Variants in NBPF14 observed in about 807,000 individuals in gnomAD.
NBPF14 encodes NBPF member 14.
Under a neutral mutation model 91.2 loss-of-function variants are expected in NBPF14, and 104 were observed. The observed-to-expected ratio is 1.14, with a 90% CI of 0.97 to 1.34. NBPF14 has a LOEUF of 1.34. NBPF14 is among the 40% of genes most tolerant of loss of function. The pLI is 0.00. For synonymous variants in NBPF14, 294 were observed against 303.8 expected, an observed-to-expected ratio of 0.97 and a Z score of 0.34; for missense variants, 908 against 783.0, an observed-to-expected ratio of 1.16 and a Z score of -1.91.
intron 37 of NBPF14, among the ~76,000 whole-genome samples, 177 bp downstream of exon 37, chr1:148,559,616 C>T (rs1435925566): frequency 8.0e-6 from 1 of 124,840 alleles, no homozygotes; most frequent in Non-Finnish European, 1.5e-5. Flanking sequence ...TGCTCACTGA[C>T]CCATCCCTTG....
chr1:148,557,651 C>G (rs1443719487), intron 39 of NBPF14, 109 bp from the exon 40 acceptor site: 1 of 607,878 alleles, frequency 1.6e-6, no homozygotes. Flanking sequence ...AGCATGAGAA[C>G]AGGACCATGT....
chr1:148,535,236 CT>C (rs1308019798), intron 68 of NBPF14, among the ~76,000 whole-genome samples: 1 of 150,456 alleles, frequency 6.6e-6, no homozygotes, highest in Non-Finnish European at 1.5e-5. Context: ...GCCATACAGC[CT>C]TTGAGGTATG....
exon 70 of NBPF14, chr1:148,533,935 C>T (rs1392064175): frequency 2.6e-5 from 19 of 740,956 alleles, no homozygotes; most frequent in Non-Finnish European, 4.7e-5. Context: ...ATCTTCTTCC[C>T]CTTCTTTTTT....
intron 3 of NBPF14, among the ~76,000 whole-genome samples, 181 bp downstream of exon 3, chr1:148,593,417 C>G (rs1157500488): frequency 1.3e-5 from 2 of 148,368 alleles, no homozygotes; most frequent in Non-Finnish European, 3.0e-5. Flanking sequence ...TAAGAAACAA[C>G]TGCAACAGAG....
chr1:148,590,051 T>TA (rs1426781124), intron 6 of NBPF14, among the ~76,000 whole-genome samples: 1 of 115,030 alleles, frequency 8.7e-6, no homozygotes, highest in African/African-American at 3.2e-5. Flanking sequence ...TTTTTTTTTT[T>TA]TTTTTTTTTT....
intron 70 of NBPF14, among the ~76,000 whole-genome samples, chr1:148,533,659 C>G (rs1459382602): frequency 2.7e-5 from 4 of 148,618 alleles, no homozygotes; most frequent in Non-Finnish European, 6.0e-5. Flanking sequence ...GAAGTATGGT[C>G]AACCTATGGT....
At chr1:148,585,748 A>G (rs2149562488) in intron 9 of NBPF14, among the ~76,000 whole-genome samples, 1 of 148,400 alleles carries the variant, frequency 6.7e-6, no homozygotes, top group African/African-American at 2.5e-5. Context: ...CTTCTCCAAC[A>G]TCACACGGCA....
intron 8 of NBPF14, among the ~76,000 whole-genome samples, chr1:148,586,970 TA>T (rs1321612325): frequency 6.9e-6 from 1 of 145,948 alleles, no homozygotes; most frequent in African/African-American, 2.5e-5. Context: ...TGATTCTCAC[TA>T]AGGGTAAGTG....
chr1:148,559,905 T>G, exon 37 of NBPF14: 1 of 1,276,952 alleles, frequency 7.8e-7, no homozygotes, highest in Non-Finnish European at 1.1e-6. Context: ...TTGAATAACA[T>G]CTATCCAGTG....
intron 13 of NBPF14, among the ~76,000 whole-genome samples, chr1:148,578,847 G>A (rs1187362591): frequency 6.7e-6 from 1 of 149,580 alleles, no homozygotes; most frequent in African/African-American, 2.4e-5. Flanking sequence ...GTCAGTCCAG[G>A]TTGGCATGGG....
Position 148,575,862 on chromosome 1 carries a change from C to T in NBPF14, c.2079-51G>A, listed in dbSNP as rs1316913922. 1.4e-3 allele frequency: 409 copies of T among 294,156 alleles called. 3 individuals are homozygous for T. The African/African-American group carries it at 0.024, about 17-fold the overall frequency. 18.2% of individuals were successfully genotyped at this position (294,156 alleles called of 1,614,324 possible). A position where few individuals can be genotyped will look rare whatever the true frequency, so the allele number is the denominator to read the frequency against. On this transcript the variant is annotated intron_variant, in intron 16 of 70. Coordinates refer to ENST00000619423, the Ensembl canonical transcript of NBPF14. ...ATAAGCCAGGGGGAATCAGAAACCA[C>T]ACAGCCCCAGCTAGATTTCATGGCT...
intron 69 of NBPF14, among the ~76,000 whole-genome samples, chr1:148,534,215 T>G (rs1391665014): frequency 6.6e-6 from 1 of 150,924 alleles, no homozygotes; most frequent in Non-Finnish European, 1.5e-5. Flanking sequence ...TGTCCCAAGT[T>G]TCTGCAAACA....
In NBPF14 at chr1:148,556,832, C is replaced by CCCCT; in HGVS notation, c.5036_5037insAGGG (p.Pro1680GlyfsTer3). 1 of 216,044 alleles carries CCCCT rather than the reference C, an allele frequency of 4.6e-6. No homozygotes were observed. The highest frequency in any genetic ancestry group is 7.4e-6 in the Non-Finnish European group (1 of 135,172). The allele number at this position is 216,044 out of a possible 1,614,324, so 13.4% of individuals were successfully genotyped here. On this transcript the variant is annotated frameshift_variant, in exon 41 of 71. Transcript: ENST00000619423. LOFTEE classifies it high-confidence loss of function. ...CCAGTGAGTCCTGCAAGACTTCAGG[C>CCCCT]TCTACTACCTCCAGCAGCTCCCTGC...
intron 16 of NBPF14, among the ~76,000 whole-genome samples, chr1:148,576,154 C>T (rs1353374015): frequency 7.3e-5 from 7 of 95,530 alleles, no homozygotes; most frequent in African/African-American, 2.4e-4. Flanking sequence ...AATAATTTTC[C>T]GTAAACTTGC....
At chr1:148,559,304 T>C (rs1254367374) in intron 37 of NBPF14, among the ~76,000 whole-genome samples, 1,644 of 121,050 alleles carry the variant, frequency 0.014, 57 homozygotes, top group Middle Eastern at 0.034. Flanking sequence ...TATCCCAATA[T>C]CATTTGTCCC....
At chr1:148,542,194 A>G (rs1345000371) in intron 59 of NBPF14, among the ~76,000 whole-genome samples, 4 of 86,478 alleles carry the variant, frequency 4.6e-5, no homozygotes, top group Non-Finnish European at 7.7e-5. Context: ...AAATACGCAG[A>G]TTGTTCATGG....
chr1:148,559,339 T>C (rs1657180458), intron 37 of NBPF14, among the ~76,000 whole-genome samples: 2 of 127,982 alleles, frequency 1.6e-5, no homozygotes, highest in Admixed American at 7.6e-5. Flanking sequence ...GGTTATGCCA[T>C]ATTTTTCCAA....
At chr1:148,561,805 A>T (rs1196536318) in intron 34 of NBPF14, among the ~76,000 whole-genome samples, 1 of 135,844 alleles carries the variant, frequency 7.4e-6, no homozygotes, top group Non-Finnish European at 1.5e-5. Context: ...ACACACAAAC[A>T]CACACACACA....
chr1:148,577,514 T>G (rs878931706), intron 14 of NBPF14, among the ~76,000 whole-genome samples, 159 bp from the exon 15 acceptor site: 4,617 of 148,210 alleles, frequency 0.031, 120 homozygotes, highest in African/African-American at 0.062. Flanking sequence ...GGATAGACTA[T>G]GGCCAGGTAG....
Sources: gnomAD v4.1 joint callset for allele counts (sites outside exome capture counted in the v4.1 genomes callset) on GRCh38, gnomAD v4.1.1 for gene constraint, MANE v1.5 for transcripts, NCBI Gene and HGNC (gene_info 2026-07-23, HGNC 2026-07-21) for gene names.